PDS5A: variants seen among roughly 807,000 people sequenced by gnomAD.
PDS5A encodes sister chromatid cohesion protein PDS5 homolog A.
In PDS5A, 42 loss-of-function variants were observed where a neutral mutation model predicts 167.1. That is an observed-to-expected ratio of 0.25 (90% CI 0.20 to 0.33). PDS5A has a LOEUF of 0.33. Among genes scored for constraint, PDS5A ranks in the 10% least tolerant of loss-of-function variants. The probability of loss-of-function intolerance (pLI) is 1.00; values close to 1 mark genes in which losing one functional copy is unlikely to be tolerated. For synonymous variants in PDS5A, 553 were observed against 554.6 expected (o/e 1.00, Z 0.04); for missense variants, 1,033 against 1,605.9 (o/e 0.64, Z 6.10).
chr4:39,885,787 A>C (rs1216558881), intron 17 of PDS5A, among the ~76,000 whole-genome samples: 1 of 151,792 alleles, frequency 6.6e-6, no homozygotes. Context: ...AACAAACAAA[A>C]AAAAACACCC....
At chr4:39,837,631 T>A (rs1364311973) in intron 32 of PDS5A, 4 of 475,088 alleles carry the variant, frequency 8.4e-6, no homozygotes, top group Non-Finnish European at 1.5e-5. Flanking sequence ...AAATACCATA[T>A]CCTAAATAAA....
intron 21 of PDS5A, among the ~76,000 whole-genome samples, chr4:39,870,066 G>A (rs1456797037): frequency 6.6e-6 from 1 of 151,874 alleles, no homozygotes; most frequent in East Asian, 1.9e-4. Flanking sequence ...CTGACATTGC[G>A]CCACCTCACT....
chr4:39,845,896 AAG>A lies in PDS5A; in HGVS notation c.3340-18_3340-17del. 1 of 1,333,060 alleles carries A rather than the reference AAG, an allele frequency of 7.5e-7. No homozygotes were observed. The highest frequency in any genetic ancestry group is 9.8e-7 in the Non-Finnish European group (1 of 1,025,174). 82.6% of individuals were successfully genotyped at this position (1,333,060 alleles called of 1,614,324 possible). A position where few individuals can be genotyped will look rare whatever the true frequency, so the allele number is the denominator to read the frequency against. ...TACAGAAGTCCTATTAAAAAAAAAA[AAG>A]AAAAAGAAAAAAGAAACACCAATCA... On this transcript the variant is annotated splice_polypyrimidine_tract_variant and intron_variant, in intron 28 of 32. Coordinates refer to ENST00000303538, the MANE Select transcript of PDS5A (RefSeq NM_001100399.2).
chr4:39,848,189 A>T (rs1481836722), intron 28 of PDS5A: 1 of 152,416 alleles, frequency 6.6e-6, no homozygotes, highest in Non-Finnish European at 1.5e-5. Flanking sequence ...TAAGGGGATC[A>T]TTACTGAGGC....
chr4:39,827,337 C>G (rs934834578), intron 32 of PDS5A, among the ~76,000 whole-genome samples: 1 of 152,132 alleles, frequency 6.6e-6, no homozygotes, highest in Non-Finnish European at 1.5e-5. Context: ...CTTCAGGAAG[C>G]TTCCCTTTCC....
rs1027449951 is a variant in PDS5A, at chr4:39,973,167, C to A, written c.138+3273G>T. On this transcript the variant is annotated intron_variant, in intron 2 of 32. Coordinates refer to ENST00000303538, the MANE Select transcript of PDS5A (RefSeq NM_001100399.2). Reference sequence around the variant, plus strand: ...CACCAATGGCACTGTTAACTGCTTTCTGGGTAGCCTCTTTAGCTTGGTGGG... The same window carrying A: ...CACCAATGGCACTGTTAACTGCTTTATGGGTAGCCTCTTTAGCTTGGTGGG... 2.9e-6 allele frequency: 3 copies of A among 1,018,272 alleles called. No individual in the cohort carries two copies. The African/African-American group carries it at 4.7e-5, about 16-fold the overall frequency. 63.1% of individuals were successfully genotyped at this position (1,018,272 alleles called of 1,614,324 possible).
At chr4:39,900,777 A>G (rs1722810348) in intron 13 of PDS5A, among the ~76,000 whole-genome samples, 2 of 152,226 alleles carry the variant, frequency 1.3e-5, no homozygotes, top group South Asian at 4.1e-4. Context: ...AGGTAGCTAG[A>G]AAGTTTTGGT....
At chr4:39,859,913 TG>T (rs2109539737) in intron 26 of PDS5A, among the ~76,000 whole-genome samples, 2 of 152,230 alleles carry the variant, frequency 1.3e-5, no homozygotes, top group South Asian at 4.1e-4. Context: ...GGGGACACCA[TG>T]TTGAAGCTAC....
At chr4:39,875,018 A>G (rs1720346551) in intron 19 of PDS5A, among the ~76,000 whole-genome samples, 1 of 152,218 alleles carries the variant, frequency 6.6e-6, no homozygotes, top group African/African-American at 2.4e-5. Flanking sequence ...CACAGATGAG[A>G]AAATTAAAGC....
chr4:39,966,058 G>T (rs971114450), intron 2 of PDS5A, among the ~76,000 whole-genome samples: 1 of 152,130 alleles, frequency 6.6e-6, no homozygotes, highest in Non-Finnish European at 1.5e-5. Context: ...GAACTATACT[G>T]CACTAAGCCT....
intron 6 of PDS5A, among the ~76,000 whole-genome samples, 179 bp downstream of exon 6, chr4:39,922,439 TGTTA>T (rs1725071092): frequency 6.6e-6 from 1 of 152,210 alleles, no homozygotes; most frequent in Non-Finnish European, 1.5e-5. Flanking sequence ...CTACATGATA[TGTTA>T]ATCAATATAT....
At chr4:39,860,700 C>T (rs1487085457) in intron 26 of PDS5A, among the ~76,000 whole-genome samples, 1 of 152,114 alleles carries the variant, frequency 6.6e-6, no homozygotes, top group African/African-American at 2.4e-5. Context: ...ATGAACAGAA[C>T]TTGAAGTCAT....
chr4:39,839,776 A>G, intron 31 of PDS5A, among the ~76,000 whole-genome samples: 1 of 148,906 alleles, frequency 6.7e-6, no homozygotes, highest in Non-Finnish European at 1.5e-5. Flanking sequence ...GCAGGGGAGG[A>G]AATAATATCT....
intron 14 of PDS5A, among the ~76,000 whole-genome samples, chr4:39,899,907 T>C (rs1045878727): frequency 1.3e-5 from 2 of 149,554 alleles, no homozygotes; most frequent in African/African-American, 4.9e-5. Context: ...CCAGCATCCA[T>C]GTGTCCTTGA....
intron 26 of PDS5A, among the ~76,000 whole-genome samples, chr4:39,856,921 G>A (rs376858151): frequency 4.6e-5 from 7 of 152,242 alleles, no homozygotes; most frequent in African/African-American, 1.7e-4. Flanking sequence ...GATGTGATTC[G>A]TGATAATAAA....
chr4:39,906,928 A>AC (rs1723419891), intron 11 of PDS5A, among the ~76,000 whole-genome samples: 1 of 145,082 alleles, frequency 6.9e-6, no homozygotes, highest in Admixed American at 6.7e-5. Context: ...AAAAAAAAAA[A>AC]AAAAAAAAAA....
At chr4:39,832,066 C>T (rs1324013517) in intron 32 of PDS5A, among the ~76,000 whole-genome samples, 1 of 147,064 alleles carries the variant, frequency 6.8e-6, no homozygotes, top group Non-Finnish European at 1.5e-5. Context: ...TGCAGTGAGC[C>T]GAGATCTCAC....
chr4:39,906,934 A>C (rs989010597), intron 11 of PDS5A, among the ~76,000 whole-genome samples: 65 of 151,404 alleles, frequency 4.3e-4, no homozygotes, highest in African/African-American at 1.4e-3. Context: ...AAAAAAAAAA[A>C]AAAAAAAAAC....
At chr4:39,957,422 C>A (rs1404296165) in intron 2 of PDS5A, among the ~76,000 whole-genome samples, 1 of 152,102 alleles carries the variant, frequency 6.6e-6, no homozygotes, top group East Asian at 1.9e-4. Flanking sequence ...TTTTACTCAT[C>A]CACGGCTTTC....
Sources: gnomAD v4.1 joint callset for allele counts (sites outside exome capture counted in the v4.1 genomes callset) on GRCh38, gnomAD v4.1.1 for gene constraint, MANE v1.5 for transcripts, NCBI Gene and HGNC (gene_info 2026-07-23, HGNC 2026-07-21) for gene names.